ABHD5: variants seen among roughly 807,000 people sequenced by gnomAD.
ABHD5 encodes abhydrolase domain containing 5, lysophosphatidic acid acyltransferase, also known as 1-acylglycerol-3-phosphate O-acyltransferase ABHD5.
Under a neutral mutation model 44.9 loss-of-function variants are expected in ABHD5, and 30 were observed. The ratio of observed to expected loss-of-function variants is 0.67; its 90% CI spans 0.50 to 0.91. The LOEUF (loss-of-function observed/expected upper bound fraction) is 0.91. Ranked by LOEUF, ABHD5 falls within the 40% of genes least tolerant of loss-of-function variation. The pLI is 0.00. For synonymous variants in ABHD5, 167 were observed against 147.0 expected, an observed-to-expected ratio of 1.14 and a Z score of -0.99; for missense variants, 399 against 423.4, an observed-to-expected ratio of 0.94 and a Z score of 0.50.
Position 43,718,565 on chromosome 3 carries a change from A to T in ABHD5, c.*33A>T. 2 of 1,585,800 alleles carry T rather than the reference A, an allele frequency of 1.3e-6. No individual in the cohort carries two copies. Among genetic ancestry groups the T allele is most frequent in the African/African-American group, 2.7e-5 (2 of 74,484 alleles). ...GAAGCTCTGATGGGAAAACCTGGTG[A>T]CTGATATAGTTGTTCAGCAATAATT... On this transcript the variant is annotated 3_prime_UTR_variant, in exon 7 of 7. Coordinates refer to ENST00000644371, the MANE Select transcript of ABHD5 (RefSeq NM_016006.6).
chr3:43,690,933 G>C, upstream of ABHD5: 5 of 1,526,150 alleles, frequency 3.3e-6, no homozygotes, highest in Admixed American at 2.0e-5. Flanking sequence ...AGCCCGGGGC[G>C]GCCCAGTCGG....
At chr3:43,733,529 A>G (rs969610101) in intron 7 of ABHD5, among the ~76,000 whole-genome samples, 3 of 152,262 alleles carry the variant, frequency 2.0e-5, no homozygotes, top group African/African-American at 7.2e-5. Flanking sequence ...ATGTTATGCC[A>G]TGAAAGATAA....
At chr3:43,727,316 A>G (rs539539159), downstream of ABHD5, among the ~76,000 whole-genome samples, 4 of 152,292 alleles carry the variant, frequency 2.6e-5, no homozygotes, top group Non-Finnish European at 4.4e-5. Flanking sequence ...TGGCCACTTT[A>G]TAGTTATCAG....
chr3:43,717,990 G>A, intron 6 of ABHD5, 133 bp downstream of exon 6: 1 of 1,130,326 alleles, frequency 8.8e-7, no homozygotes, highest in Non-Finnish European at 1.3e-6. Context: ...TCGGGGACGT[G>A]ATACCACCTG....
chr3:43,727,599 GTTTT>G (rs1392555453), downstream of ABHD5, among the ~76,000 whole-genome samples: 2 of 152,000 alleles, frequency 1.3e-5, no homozygotes, highest in East Asian at 3.9e-4. Context: ...TTGTACTACT[GTTTT>G]TTGTTTGTTT....
intron 1 of ABHD5, among the ~76,000 whole-genome samples, chr3:43,696,898 A>G (rs889415240): frequency 2.0e-5 from 3 of 152,026 alleles, no homozygotes; most frequent in Non-Finnish European, 4.4e-5. Flanking sequence ...TTAGAAAAAA[A>G]CCCACTTTAA....
At chr3:43,712,556 C>G (rs565365285) in intron 4 of ABHD5, among the ~76,000 whole-genome samples, 5 of 152,106 alleles carry the variant, frequency 3.3e-5, no homozygotes, top group African/African-American at 7.2e-5. Flanking sequence ...GCCTTTCCCC[C>G]GTACAACTTG....
chr3:43,726,365 T>C (rs894937948), downstream of ABHD5, among the ~76,000 whole-genome samples: 1 of 152,162 alleles, frequency 6.6e-6, no homozygotes, highest in Non-Finnish European at 1.5e-5. Context: ...TTGAAAATGC[T>C]GTTTTCCATG....
intron 7 of ABHD5, among the ~76,000 whole-genome samples, chr3:43,728,378 A>T (rs1359880403): frequency 6.6e-6 from 1 of 152,222 alleles, no homozygotes; most frequent in Non-Finnish European, 1.5e-5. Context: ...AGATTGATGA[A>T]CAAGTCAGCA....
chr3:43,729,813 G>A (rs1199519752), intron 7 of ABHD5, among the ~76,000 whole-genome samples: 1 of 152,154 alleles, frequency 6.6e-6, no homozygotes, highest in East Asian at 1.9e-4. Flanking sequence ...TATGCTACAG[G>A]GATTCCAGAA....
intron 7 of ABHD5, among the ~76,000 whole-genome samples, chr3:43,731,188 G>A (rs2084910847): frequency 6.6e-6 from 1 of 152,068 alleles, no homozygotes; most frequent in South Asian, 2.1e-4. Flanking sequence ...AACAATAGTG[G>A]GAGAAAGTTC....
At position 43,720,038 on chromosome 3, in the gene ABHD5, T is replaced by C. The variant is rs1371423647; in HGVS notation, c.*1506T>C. 6.6e-6 allele frequency: 1 copy of C among 152,232 alleles called. No homozygotes were observed. The highest frequency in any genetic ancestry group is 2.4e-5 in the African/African-American group (1 of 41,466). The allele number at this position is 152,232 out of a possible 1,614,324, so 9.4% of individuals were successfully genotyped here. A position where few individuals can be genotyped will look rare whatever the true frequency, so the allele number is the denominator to read the frequency against. On this transcript the variant is annotated 3_prime_UTR_variant, in exon 7 of 7. Transcript: ENST00000644371. ...CTATAAAAGAATAGACAAATTATACTGAAGCATGATATAAACATCTTCCCA... is the reference window on the plus strand; with the variant it reads ...CTATAAAAGAATAGACAAATTATACCGAAGCATGATATAAACATCTTCCCA...
intron 3 of ABHD5, among the ~76,000 whole-genome samples, chr3:43,708,865 C>T (rs1490897485): frequency 1.3e-5 from 2 of 152,160 alleles, no homozygotes; most frequent in Non-Finnish European, 2.9e-5. Context: ...TTCAGACACC[C>T]ATGCACATAT....
chr3:43,711,460 A>T (rs1180160615), intron 3 of ABHD5, among the ~76,000 whole-genome samples: 1 of 152,146 alleles, frequency 6.6e-6, no homozygotes, highest in African/African-American at 2.4e-5. Flanking sequence ...TACTCTATAT[A>T]TCTTTTATTA....
chr3:43,717,450 CT>C (rs1559418798), intron 5 of ABHD5, among the ~76,000 whole-genome samples: 2 of 152,156 alleles, frequency 1.3e-5, no homozygotes, highest in Non-Finnish European at 2.9e-5. Context: ...TACAAGAAAA[CT>C]TTTTTAAAAA....
At chr3:43,705,362 TAGC>T (rs1292223446) in intron 3 of ABHD5, among the ~76,000 whole-genome samples, 2 of 152,200 alleles carry the variant, frequency 1.3e-5, no homozygotes, top group Non-Finnish European at 2.9e-5. Flanking sequence ...TGAGTTAGTA[TAGC>T]ATAAAAACAA....
In ABHD5 at chr3:43,721,127, T is replaced by C. The variant is rs1403086142; in HGVS notation, c.*2595T>C. The C allele has an allele frequency of 6.6e-6, 1 of 152,126 alleles. No homozygotes were observed. Among genetic ancestry groups the C allele is most frequent in the African/African-American group, 2.4e-5 (1 of 41,428 alleles). The allele number at this position is 152,126 out of a possible 1,614,324, so 9.4% of individuals were successfully genotyped here. ...GGAGGGATAACCCTATTAAATATTATAACATAATGTTTACAATATGAGAAA... is the reference window on the plus strand; with the variant it reads ...GGAGGGATAACCCTATTAAATATTACAACATAATGTTTACAATATGAGAAA... On this transcript the variant is annotated 3_prime_UTR_variant, in exon 7 of 7. Coordinates refer to ENST00000644371, the MANE Select transcript of ABHD5 (RefSeq NM_016006.6).
intron 1 of ABHD5, 80 bp from the exon 2 acceptor site, chr3:43,699,196 C>CT (rs1201444399): frequency 7.9e-7 from 1 of 1,272,676 alleles, no homozygotes; most frequent in East Asian, 2.3e-5. Context: ...CCTGTGCTGC[C>CT]TTTCTTCTGT....
intron 1 of ABHD5, among the ~76,000 whole-genome samples, chr3:43,696,321 G>C (rs2084473775): frequency 6.6e-6 from 1 of 152,186 alleles, no homozygotes; most frequent in Non-Finnish European, 1.5e-5. Flanking sequence ...ATTGAATCTA[G>C]TTTACTGTTT....
Sources: allele counts gnomAD v4.1 joint callset (sites outside exome capture counted in the v4.1 genomes callset), GRCh38; gene constraint gnomAD v4.1.1; transcripts MANE v1.5; gene names NCBI Gene and HGNC (gene_info 2026-07-23, HGNC 2026-07-21).